Variants in MRM1 observed in about 807,000 individuals in gnomAD.
The protein encoded by MRM1 is mitochondrial rRNA methyltransferase 1.
MRM1 carries 24 observed loss-of-function variants against 25.0 expected under a neutral mutation model. That is an observed-to-expected ratio of 0.96 (90% CI 0.69 to 1.35). MRM1 has a LOEUF of 1.35. Among genes scored for constraint, MRM1 ranks in the 40% most tolerant of loss-of-function variants. The pLI, the probability that MRM1 is intolerant of heterozygous loss-of-function variation, is 0.00. For missense variants in MRM1, 431 were observed against 464.1 expected, an observed-to-expected ratio of 0.93 and a Z score of 0.65; for synonymous variants, 188 against 199.2, an observed-to-expected ratio of 0.94 and a Z score of 0.47.
the MRM1 span, among the ~76,000 whole-genome samples, chr17:36,625,524 A>G: frequency 7.2e-6 from 1 of 139,716 alleles, no homozygotes. Flanking sequence ...TGCAGTGACA[A>G]GATCTCGGCT....
At chr17:36,605,753 T>C (rs1339956400) in intron 2 of MRM1, among the ~76,000 whole-genome samples, 1 of 152,026 alleles carries the variant, frequency 6.6e-6, no homozygotes, top group Non-Finnish European at 1.5e-5. Flanking sequence ...TCAAAAACCT[T>C]GGCATCATCC....
the MRM1 span, among the ~76,000 whole-genome samples, chr17:36,633,221 A>C: frequency 6.6e-6 from 1 of 152,080 alleles, no homozygotes; most frequent in African/African-American, 2.4e-5. Flanking sequence ...TCAGGTCGTC[A>C]CTTTGCCTCC....
At position 36,602,580 on chromosome 17, in the gene MRM1, G is replaced by A. The variant is rs1435216278; in HGVS notation, c.570G>A (p.Lys190=). ...NSCPLTPVVS[K]SSAGAMEVMD... is the part of the protein sequence containing the mutation. ...GCCCGCTCACTCCAGTAGTCAGCAA[G>A]TCCAGCGCGGGGGCTATGGAGGTGA... The change falls in exon 2 of 5, where the codon AAG becomes AAA. Residue 190 remains lysine, a synonymous_variant. Coordinates refer to ENST00000614766, the MANE Select transcript of MRM1 (RefSeq NM_024864.5). This position sits in a 1 kb window ranked among gnomAD's most constrained non-coding sequence, Gnocchi z 4.1. The A allele has an allele frequency of 1.2e-6, 2 of 1,614,210 alleles. No individual in the cohort carries two copies. The highest frequency in any genetic ancestry group is 3.3e-5 in the Admixed American group (2 of 60,030).
At chr17:36,603,014 AG>A (rs2074894380) in intron 2 of MRM1, 2 of 985,142 alleles carry the variant, frequency 2.0e-6, no homozygotes, top group African/African-American at 3.5e-5. Context: ...ACAGCTTGAA[AG>A]GATGTTTGAA....
the MRM1 span, among the ~76,000 whole-genome samples, chr17:36,621,564 C>A: frequency 1.3e-5 from 2 of 152,150 alleles, no homozygotes; most frequent in Non-Finnish European, 1.5e-5. Flanking sequence ...ACCCAGAGAT[C>A]CCCCCACAAC....
the MRM1 span, among the ~76,000 whole-genome samples, chr17:36,633,545 G>C: frequency 6.6e-6 from 1 of 151,398 alleles, no homozygotes; most frequent in Non-Finnish European, 1.5e-5. Context: ...GGGACGAAGA[G>C]GAAGAGGAAG....
chr17:36,616,936 G>T, the MRM1 span, among the ~76,000 whole-genome samples: 45 of 152,146 alleles, frequency 3.0e-4, no homozygotes, highest in Non-Finnish European at 5.3e-4. Context: ...ATGTTGCCCA[G>T]GCTGGCCTTG....
chr17:36,625,380 C>A, the MRM1 span, among the ~76,000 whole-genome samples: 1 of 151,480 alleles, frequency 6.6e-6, no homozygotes, highest in African/African-American at 2.4e-5. Context: ...TCTTCTTCCT[C>A]TTCGCTCTTC....
chr17:36,606,853 C>T lies in MRM1; in HGVS notation c.637-817C>T, dbSNP rs372975890. 6.6e-5 allele frequency among the ~76,000 whole-genome samples: 10 copies of T among 151,322 alleles called. No individual in the cohort carries two copies. The East Asian group carries it at 1.2e-3, about 18-fold the overall frequency. On this transcript the variant is annotated intron_variant, in intron 2 of 4. Coordinates refer to ENST00000614766, the MANE Select transcript of MRM1 (RefSeq NM_024864.5). ...CTCAAACTCCTGACCTCAGGTGATC[C>T]GCCCGCCTCGGCCTCCCAAAGTGCT...
In MRM1 at chr17:36,607,807, G is replaced by A. The variant is rs2074944303; in HGVS notation, c.769+5G>A. 1.9e-6 allele frequency: 3 copies of A among 1,613,776 alleles called. No homozygotes were observed. Among genetic ancestry groups the A allele is most frequent in the African/African-American group, 1.3e-5 (1 of 74,904 alleles). On this transcript the variant is annotated splice_donor_5th_base_variant and intron_variant, in intron 3 of 4. Transcript: ENST00000614766. ...GGCCTACTCTCCTTGTGCTGGGTAG[G>A]TGGATGTCCCTGCGTTTGTGCCCAG...
chr17:36,624,776 T>G, the MRM1 span, among the ~76,000 whole-genome samples: 1 of 152,132 alleles, frequency 6.6e-6, no homozygotes, highest in East Asian at 1.9e-4. This position sits in a 1 kb window ranked among gnomAD's most constrained non-coding sequence, Gnocchi z 4.0. Context: ...CTCGTTTTCC[T>G]TCTTGTAGCA....
intron 2 of MRM1, among the ~76,000 whole-genome samples, chr17:36,604,458 G>A (rs1164304342): frequency 6.6e-6 from 1 of 152,094 alleles, no homozygotes; most frequent in African/African-American, 2.4e-5. Context: ...CCTGACTTCC[G>A]AGCATTAGCA....
At chr17:36,630,470 T>C in the MRM1 span, among the ~76,000 whole-genome samples, 1 of 152,122 alleles carries the variant, frequency 6.6e-6, no homozygotes, top group Non-Finnish European at 1.5e-5. Flanking sequence ...AGAAAGGAAA[T>C]CCCCAGCACT....
Position 36,608,426 on chromosome 17 carries a change from CCA to C in MRM1, c.*14_*15del, listed in dbSNP as rs777366935. The C allele has an allele frequency of 1.3e-6, 2 of 1,516,720 alleles. No homozygotes were observed. Among genetic ancestry groups the C allele is most frequent in the African/African-American group, 2.8e-5 (2 of 71,740 alleles). 94.0% of individuals were successfully genotyped at this position (1,516,720 alleles called of 1,614,324 possible). A position where few individuals can be genotyped will look rare whatever the true frequency, so the allele number is the denominator to read the frequency against. The stretch of plus-strand genomic sequence containing the variant: ...CAAAATGAGGGCTGACGTGGACTGT[CCA>C]CAGTGTTCATGTGCTGGAGTCAGGG... On this transcript the variant is annotated 3_prime_UTR_variant, in exon 5 of 5. Transcript: ENST00000614766.
Position 36,608,539 on chromosome 17 carries a change from T to TGA in MRM1, c.*125_*126insAG. The TGA allele has an allele frequency of 3.6e-6, 1 of 274,728 alleles. No individual in the cohort carries two copies. The highest frequency in any genetic ancestry group is 6.0e-5 in the Admixed American group (1 of 16,612). 17.0% of individuals were successfully genotyped at this position (274,728 alleles called of 1,614,324 possible). On this transcript the variant is annotated 3_prime_UTR_variant, in exon 5 of 5. Transcript: ENST00000614766. ...AGGCCCATGTTTATTGACCACAGTCTGGGGGGGGGGGAAGGGGACTGCGGT... is the reference window on the plus strand; with the variant it reads ...AGGCCCATGTTTATTGACCACAGTCTGAGGGGGGGGGGGAAGGGGACTGCGGT...
chr17:36,624,933 A>G, the MRM1 span, among the ~76,000 whole-genome samples: 5 of 152,018 alleles, frequency 3.3e-5, no homozygotes, highest in Admixed American at 6.6e-5. The surrounding 1 kb of genome is among the most constrained non-coding windows in gnomAD (Gnocchi z 4.0). Flanking sequence ...CACTGTTTTA[A>G]TCAATGCTAG....
chr17:36,608,953 CAT>C lies in MRM1; in HGVS notation c.*539_*540del, dbSNP rs2074957046. ...GGGTTGTTGTGAGGCTCAAATAAAA[CAT>C]CACTCAGCACGTGGGAGATTCTGGC... On this transcript the variant is annotated 3_prime_UTR_variant, in exon 5 of 5. Coordinates refer to ENST00000614766, the MANE Select transcript of MRM1 (RefSeq NM_024864.5). 1 of 152,990 alleles carries C rather than the reference CAT, an allele frequency of 6.5e-6. No homozygotes were observed. Among genetic ancestry groups the C allele is most frequent in the African/African-American group, 2.4e-5 (1 of 41,500 alleles). 9.5% of individuals were successfully genotyped at this position (152,990 alleles called of 1,614,324 possible). A position where few individuals can be genotyped will look rare whatever the true frequency, so the allele number is the denominator to read the frequency against.
chr17:36,610,995 G>C (rs995776760), downstream of MRM1, among the ~76,000 whole-genome samples: 2 of 152,114 alleles, frequency 1.3e-5, no homozygotes, highest in African/African-American at 4.8e-5. Flanking sequence ...TGTATTTTTA[G>C]TAGAGATGGG....
the MRM1 span, among the ~76,000 whole-genome samples, chr17:36,632,990 T>C: frequency 6.6e-6 from 1 of 152,166 alleles, no homozygotes; most frequent in Non-Finnish European, 1.5e-5. Flanking sequence ...AGGGCGTTGT[T>C]CCCAATTCCT....
Sources: gnomAD v4.1 joint callset for allele counts (sites outside exome capture counted in the v4.1 genomes callset) on GRCh38, gnomAD v4.1.1 for gene constraint, Gnocchi (gnomAD v3.1) non-coding constraint, MANE v1.5 for transcripts, NCBI Gene and HGNC (gene_info 2026-07-23, HGNC 2026-07-21) for gene names.